Variants in PARD6G observed in about 807,000 individuals in gnomAD.
The protein encoded by PARD6G is par-6 family cell polarity regulator gamma.
A neutral mutation model predicts 10.7 loss-of-function variants in PARD6G; 7 were observed. That is an observed-to-expected ratio of 0.66 (90% CI 0.37 to 1.23). PARD6G has a LOEUF of 1.23. PARD6G is among the 50% of genes most tolerant of loss of function. The pLI is 0.02. For missense variants in PARD6G, 548 were observed against 571.8 expected (o/e 0.96, Z 0.42); for synonymous variants, 287 against 269.4 (o/e 1.07, Z -0.64).
In PARD6G at chr18:80,183,983, C is replaced by A. The variant is rs1335873745; in HGVS notation, c.295+18727G>T. On this transcript the variant is annotated intron_variant, in intron 2 of 2. Coordinates refer to ENST00000353265, the MANE Select transcript of PARD6G (RefSeq NM_032510.4). This position sits in a 1 kb window ranked among gnomAD's most constrained non-coding sequence, Gnocchi z 4.5. The stretch of plus-strand genomic sequence containing the variant: ...GCATTTTAACTCTTGTTTTTACAAA[C>A]TTTCTTTTTACATATATGTTAGCGG... 6.6e-6 allele frequency: 1 copy of A among 152,202 alleles called. No individual in the cohort carries two copies. The highest frequency in any genetic ancestry group is 1.5e-5 in the Non-Finnish European group (1 of 68,038). 9.4% of individuals were successfully genotyped at this position (152,202 alleles called of 1,614,324 possible).
intron 2 of PARD6G, among the ~76,000 whole-genome samples, chr18:80,174,365 C>G (rs1162528053): frequency 6.6e-6 from 1 of 152,150 alleles, no homozygotes; most frequent in Non-Finnish European, 1.5e-5. Flanking sequence ...CTGGAGGCCG[C>G]TAGGTGACAG....
At chr18:80,243,068 G>C (rs1017194105) in intron 1 of PARD6G, among the ~76,000 whole-genome samples, 2 of 152,074 alleles carry the variant, frequency 1.3e-5, no homozygotes, top group African/African-American at 4.8e-5. Context: ...TTGTTCTAAA[G>C]ATCAGTAAGA....
Position 80,247,241 on chromosome 18 carries a change from T to C in PARD6G, c.72+36A>G. 1 of 1,535,062 alleles carries C rather than the reference T, an allele frequency of 6.5e-7. No homozygotes were observed. ...GCGCCCCATTCATTAGCCAGGAGAC[T>C]GGGCGCAGGGCCGCCGGGGCGGGCG... On this transcript the variant is annotated intron_variant, in intron 1 of 2. Transcript: ENST00000353265. This position sits in a 1 kb window ranked among gnomAD's most constrained non-coding sequence, Gnocchi z 4.2.
chr18:80,242,398 G>A lies in PARD6G; in HGVS notation c.72+4879C>T, dbSNP rs112675012. Among the ~76,000 whole-genome samples the A allele has an allele frequency of 4.2e-3, 634 of 152,318 alleles. 3 individuals are homozygous for A. The highest frequency in any genetic ancestry group is 0.014 in the Middle Eastern group (4 of 294). On this transcript the variant is annotated intron_variant, in intron 1 of 2. Coordinates refer to ENST00000353265, the MANE Select transcript of PARD6G (RefSeq NM_032510.4). ...CCTCAGCTCCATCCCACCGGCTGTC[G>A]CACATCACACAGCTGGAAGGGCATG...
chr18:80,229,175 TGATCC>T (rs1362307198), intron 1 of PARD6G, among the ~76,000 whole-genome samples: 1 of 152,174 alleles, frequency 6.6e-6, no homozygotes, highest in African/African-American at 2.4e-5. Context: ...CCTGACCTTG[TGATCC>T]ACCCACCTCG....
At chr18:80,233,200 A>G (rs1182808967) in intron 1 of PARD6G, among the ~76,000 whole-genome samples, 1 of 152,172 alleles carries the variant, frequency 6.6e-6, no homozygotes, top group African/African-American at 2.4e-5. Context: ...AAACTATCCT[A>G]CCTCTGACAA....
chr18:80,169,057 G>T, intron 2 of PARD6G: 1 of 169,408 alleles, frequency 5.9e-6, no homozygotes, highest in Non-Finnish European at 1.5e-5. Context: ...CTGTCCAACT[G>T]CACTCTGGGG....
chr18:80,231,169 GT>G lies in PARD6G; in HGVS notation c.72+16107del, dbSNP rs2145301624. ...AAGGGAGTGGGATGAACGGGCCAGGGTTACTCCAGAAGCAACTAAGGGCTCA... is the reference window on the plus strand; with the variant it reads ...AAGGGAGTGGGATGAACGGGCCAGGGTACTCCAGAAGCAACTAAGGGCTCA... On this transcript the variant is annotated intron_variant, in intron 1 of 2. Coordinates refer to ENST00000353265, the MANE Select transcript of PARD6G (RefSeq NM_032510.4). The surrounding 1 kb of genome is among the most constrained non-coding windows in gnomAD (Gnocchi z 4.2). Among the ~76,000 whole-genome samples the G allele has an allele frequency of 6.6e-6, 1 of 152,298 alleles. No homozygotes were observed. Among genetic ancestry groups the G allele is most frequent in the South Asian group, 2.1e-4 (1 of 4,826 alleles).
intron 1 of PARD6G, among the ~76,000 whole-genome samples, chr18:80,206,198 T>C (rs1411544956): frequency 1.3e-5 from 2 of 152,258 alleles, no homozygotes; most frequent in African/African-American, 4.8e-5. Context: ...TGTTTAATGA[T>C]GAGGCTGACT....
At position 80,159,649 on chromosome 18, in the gene PARD6G, A is replaced by C. The variant is rs973399593; in HGVS notation, c.*122T>G. ...TGTGTTTTTATATCCGGAAGTTGAAACAAAGAGCAGCGTTGTTTTTGTGGT... is the reference window on the plus strand; with the variant it reads ...TGTGTTTTTATATCCGGAAGTTGAACCAAAGAGCAGCGTTGTTTTTGTGGT... On this transcript the variant is annotated 3_prime_UTR_variant, in exon 3 of 3. Coordinates refer to ENST00000353265, the MANE Select transcript of PARD6G (RefSeq NM_032510.4). 3 of 1,288,282 alleles carry C rather than the reference A, an allele frequency of 2.3e-6. No homozygotes were observed. In the African/African-American group the frequency reaches 4.7e-5, roughly 20 times the overall value. The allele number at this position is 1,288,282 out of a possible 1,614,324, so 79.8% of individuals were successfully genotyped here. A position where few individuals can be genotyped will look rare whatever the true frequency, so the allele number is the denominator to read the frequency against.
rs1054226987 is a variant in PARD6G at position 80,176,743 on chromosome 18, A to G, written c.296-16137T>C. ...AGAAGGCCGAGCTCCCGACAGGGCA[A>G]ACAGCTCACTAAAGTGGAAAAATGC... is the stretch of plus-strand genomic sequence containing the variant. On this transcript the variant is annotated intron_variant, in intron 2 of 2. Transcript: ENST00000353265. Among the ~76,000 whole-genome samples, 3 of 152,300 alleles carry G rather than the reference A, an allele frequency of 2.0e-5. No individual in the cohort carries two copies. In the East Asian group the frequency reaches 5.8e-4, roughly 29 times the overall value.
rs900699474 is a variant in PARD6G at position 80,231,226 on chromosome 18, G to A, written c.72+16051C>T. Among the ~76,000 whole-genome samples the A allele has an allele frequency of 1.3e-5, 2 of 152,230 alleles. No homozygotes were observed. The highest frequency in any genetic ancestry group is 6.5e-5 in the Admixed American group (1 of 15,276). ...CTCTAGTGCTGAGAGGTAGGGCCAG[G>A]GGAAAGGTGCTGGGGGTTGGCCTGG... On this transcript the variant is annotated intron_variant, in intron 1 of 2. Transcript: ENST00000353265. This position sits in a 1 kb window ranked among gnomAD's most constrained non-coding sequence, Gnocchi z 4.2.
At position 80,159,764 on chromosome 18, in the gene PARD6G, C is replaced by T. The variant is rs377039559; in HGVS notation, c.*7G>A. ...CTGGAGCTAGGATTTGGGGGCCTCT[C>T]GGGAGTCTAGAGCGTGACCGCGGGC... is the stretch of plus-strand genomic sequence containing the variant. On this transcript the variant is annotated 3_prime_UTR_variant, in exon 3 of 3. Coordinates refer to ENST00000353265, the MANE Select transcript of PARD6G (RefSeq NM_032510.4). 393 of 1,399,702 alleles carry T rather than the reference C, an allele frequency of 2.8e-4. 1 individual carries two copies. In the African/African-American group the frequency reaches 5.6e-3, roughly 20 times the overall value. 86.7% of individuals were successfully genotyped at this position (1,399,702 alleles called of 1,614,324 possible). A position where few individuals can be genotyped will look rare whatever the true frequency, so the allele number is the denominator to read the frequency against.
intron 1 of PARD6G, among the ~76,000 whole-genome samples, chr18:80,210,666 A>C (rs1448509297): frequency 2.0e-5 from 3 of 152,208 alleles, no homozygotes; most frequent in African/African-American, 7.2e-5. Context: ...GTTTTTTTCC[A>C]TGGGCCAAGT....
Position 80,226,678 on chromosome 18 carries a change from C to T in PARD6G, c.72+20599G>A, listed in dbSNP as rs552548780. On this transcript the variant is annotated intron_variant, in intron 1 of 2. Coordinates refer to ENST00000353265, the MANE Select transcript of PARD6G (RefSeq NM_032510.4). ...CCCTGATTCACAGATGACCCTGAACCGGAGAAAGATTACATCTGTTAATTA... is the reference window on the plus strand; with the variant it reads ...CCCTGATTCACAGATGACCCTGAACTGGAGAAAGATTACATCTGTTAATTA... Among the ~76,000 whole-genome samples, 7 of 152,130 alleles carry T rather than the reference C, an allele frequency of 4.6e-5. No homozygotes were observed. In the East Asian group the frequency reaches 5.8e-4, roughly 13 times the overall value.
chr18:80,173,012 C>T (rs139713735), intron 2 of PARD6G, among the ~76,000 whole-genome samples: 157 of 152,260 alleles, frequency 1.0e-3, no homozygotes, highest in African/African-American at 3.7e-3. Context: ...TAAATGTCAC[C>T]ATATGCTTGG....
chr18:80,157,668 G>A lies in PARD6G; in HGVS notation c.*2103C>T, dbSNP rs2052664758. 2.0e-5 allele frequency: 3 copies of A among 152,156 alleles called. No individual in the cohort carries two copies. In the South Asian group the frequency reaches 6.2e-4, roughly 32 times the overall value. 9.4% of individuals were successfully genotyped at this position (152,156 alleles called of 1,614,324 possible). On this transcript the variant is annotated 3_prime_UTR_variant, in exon 3 of 3. Transcript: ENST00000353265. ...GCCCTTCATCAGAGAGCAAGTCCGG[G>A]GGGTGCGGATCCTCACCGGAGAGGT...
In PARD6G at chr18:80,213,873, G is replaced by A. The variant is rs183584658; in HGVS notation, c.73-10941C>T. ...CTCAGGAGGCTGAGGCAGGAGAATG[G>A]CATGAATCCGGAAGGCAGAGCTTGC... On this transcript the variant is annotated intron_variant, in intron 1 of 2. Transcript: ENST00000353265. Among the ~76,000 whole-genome samples, 253 of 148,756 alleles carry A rather than the reference G, an allele frequency of 1.7e-3. 1 individual carries two copies. The highest frequency in any genetic ancestry group is 6.2e-3 in the African/African-American group (249 of 40,070).
At chr18:80,225,112 G>C (rs1156939710) in intron 1 of PARD6G, among the ~76,000 whole-genome samples, 1 of 152,180 alleles carries the variant, frequency 6.6e-6, no homozygotes, top group Non-Finnish European at 1.5e-5. Context: ...GTGCAGCTCT[G>C]GCTCAGAACC....
Sources: allele counts gnomAD v4.1 joint callset (sites outside exome capture counted in the v4.1 genomes callset), GRCh38; gene constraint gnomAD v4.1.1; non-coding constraint Gnocchi (gnomAD v3.1); transcripts MANE v1.5; gene names NCBI Gene and HGNC (gene_info 2026-07-23, HGNC 2026-07-21).